Variants in VPS13B observed in about 807,000 individuals in gnomAD.
VPS13B encodes intermembrane lipid transfer protein VPS13B.
VPS13B carries 285 observed loss-of-function variants against 426.4 expected under a neutral mutation model. The ratio of observed to expected loss-of-function variants is 0.67; its 90% confidence interval spans 0.61 to 0.74. The LOEUF (loss-of-function observed/expected upper bound fraction) is 0.74, where lower values mean the gene tolerates loss of function less well. VPS13B is among the 30% of genes least tolerant of loss of function. The probability of loss-of-function intolerance (pLI) is 0.00; values close to 1 mark genes in which losing one functional copy is unlikely to be tolerated. For missense variants in VPS13B, 4,537 were observed against 4,782.6 expected, an observed-to-expected ratio of 0.95 and a Z score of 1.51; for synonymous variants, 1,676 against 1,676.4, an observed-to-expected ratio of 1.00 and a Z score of 0.01.
At chr8:99,294,597 G>GC (rs1352114423) in intron 19 of VPS13B, among the ~76,000 whole-genome samples, 1 of 151,828 alleles carries the variant, frequency 6.6e-6, no homozygotes, top group Admixed American at 6.6e-5. Context: ...GAGTGATATG[G>GC]CATAGCTAAG....
intron 19 of VPS13B, among the ~76,000 whole-genome samples, chr8:99,360,180 TTCTTTCTTTCTC>T (rs1415563716): frequency 0.012 from 488 of 40,648 alleles, 1 homozygote; most frequent in Middle Eastern, 0.046. Flanking sequence ...CTTTCTTTCT[TTCTTTCTTTCTC>T]TCTCTCTCTC....
chr8:99,768,402 A>G (rs943137986), intron 40 of VPS13B, among the ~76,000 whole-genome samples: 1 of 152,222 alleles, frequency 6.6e-6, no homozygotes. Context: ...GGTTATAATC[A>G]TAGCACACCA....
chr8:99,049,215 AC>A (rs1335855425), intron 3 of VPS13B, among the ~76,000 whole-genome samples: 1 of 148,096 alleles, frequency 6.8e-6, no homozygotes, highest in African/African-American at 2.5e-5. Context: ...TTGCCTGTAT[AC>A]CTTTTTTTTT....
chr8:99,028,381 G>T (rs1412175782), intron 2 of VPS13B, among the ~76,000 whole-genome samples: 3 of 148,130 alleles, frequency 2.0e-5, no homozygotes, highest in East Asian at 2.0e-4. Flanking sequence ...GCGGCTGGCC[G>T]GGCGGGGGGC....
intron 43 of VPS13B, among the ~76,000 whole-genome samples, chr8:99,786,922 G>A (rs991956039): frequency 1.3e-5 from 2 of 152,104 alleles, no homozygotes; most frequent in African/African-American, 4.8e-5. Flanking sequence ...CTAATGAGAG[G>A]CTACATGAGG....
At position 99,384,395 on chromosome 8, in the gene VPS13B, A is replaced by T. The variant is rs569606005; in HGVS notation, c.2934+78A>T. 4.2e-6 allele frequency: 5 copies of T among 1,179,926 alleles called. No homozygotes were observed. The South Asian group carries it at 5.1e-5, about 12-fold the overall frequency. The allele number at this position is 1,179,926 out of a possible 1,614,324, so 73.1% of individuals were successfully genotyped here. On this transcript the variant is annotated intron_variant, in intron 20 of 61. Transcript: ENST00000357162. Reference sequence around the variant, plus strand: ...TTAGTAGAATTATATATGTCTTTTGATGGATTCTTTTTTAACAAATGTACT... The same window carrying T: ...TTAGTAGAATTATATATGTCTTTTGTTGGATTCTTTTTTAACAAATGTACT...
intron 19 of VPS13B, among the ~76,000 whole-genome samples, chr8:99,323,577 G>A (rs1810095416): frequency 6.6e-6 from 1 of 152,202 alleles, no homozygotes; most frequent in East Asian, 1.9e-4. Flanking sequence ...TATCCCCAAA[G>A]CTCTCTATTA....
chr8:99,594,465 A>G (rs923455865), intron 33 of VPS13B, among the ~76,000 whole-genome samples: 4 of 152,018 alleles, frequency 2.6e-5, no homozygotes, highest in African/African-American at 9.7e-5. Context: ...CATCATTGTC[A>G]TCTCATCTAG....
At chr8:99,367,747 G>T (rs562409379) in intron 19 of VPS13B, among the ~76,000 whole-genome samples, 4 of 152,238 alleles carry the variant, frequency 2.6e-5, no homozygotes, top group African/African-American at 9.6e-5. Context: ...TCAACCTCCT[G>T]GGTTCAAGCT....
rs1195872726 is a variant in VPS13B at position 99,861,942 on chromosome 8, G to A, written c.11211G>A (p.Leu3737=). ...RQGLSRLGIS[L]LGAIAGIVDQ... Reference sequence around the variant, plus strand: ...GCCTGTCCCGGCTGGGCATCAGCCTGCTTGGTAAGGGGCTGCGGGGCCTCC... The same window carrying A: ...GCCTGTCCCGGCTGGGCATCAGCCTACTTGGTAAGGGGCTGCGGGGCCTCC... The change falls in exon 58 of 62, where the codon CTG becomes CTA. Residue 3737 remains leucine, a synonymous_variant. Coordinates refer to ENST00000357162, the MANE Select transcript of VPS13B (RefSeq NM_152564.5). 33 of 1,590,496 alleles carry A rather than the reference G, an allele frequency of 2.1e-5. No homozygotes were observed. Among genetic ancestry groups the A allele is most frequent in the Non-Finnish European group, 2.8e-5 (33 of 1,170,286 alleles).
intron 22 of VPS13B, among the ~76,000 whole-genome samples, chr8:99,439,338 C>G (rs73271304): frequency 1.3e-5 from 2 of 152,104 alleles, no homozygotes; most frequent in East Asian, 3.9e-4. Context: ...TTTATGTTCT[C>G]GTGAGAATTC....
chr8:99,840,236 T>A (rs1431668226), intron 54 of VPS13B, among the ~76,000 whole-genome samples: 1 of 152,268 alleles, frequency 6.6e-6, no homozygotes, highest in Non-Finnish European at 1.5e-5. Context: ...GTTCAGACTG[T>A]CTGTTATTAT....
intron 31 of VPS13B, among the ~76,000 whole-genome samples, chr8:99,571,937 C>G (rs746900340): frequency 2.0e-5 from 3 of 152,150 alleles, no homozygotes; most frequent in Non-Finnish European, 2.9e-5. Flanking sequence ...ATATAGAGCT[C>G]TGCTCATTGC....
intron 19 of VPS13B, among the ~76,000 whole-genome samples, chr8:99,295,129 A>G (rs1227164797): frequency 6.6e-6 from 1 of 152,172 alleles, no homozygotes; most frequent in Non-Finnish European, 1.5e-5. Context: ...AGTTAGGGAG[A>G]TATATTGGAA....
At chr8:99,192,757 T>C (rs1236871189) in intron 16 of VPS13B, 119 bp from the exon 17 acceptor site, 1 of 986,584 alleles carries the variant, frequency 1.0e-6, no homozygotes, top group Non-Finnish European at 1.5e-6. Context: ...TTAAGTAGTA[T>C]GTTTGCATAC....
At chr8:99,238,430 T>C (rs1473859597) in intron 17 of VPS13B, among the ~76,000 whole-genome samples, 2 of 152,150 alleles carry the variant, frequency 1.3e-5, no homozygotes, top group African/African-American at 2.4e-5. Flanking sequence ...CTAATGGCCA[T>C]GGGGCAAGCT....
intron 16 of VPS13B, among the ~76,000 whole-genome samples, chr8:99,175,429 T>C (rs1812575834): frequency 6.6e-6 from 1 of 152,210 alleles, no homozygotes; most frequent in Non-Finnish European, 1.5e-5. Flanking sequence ...ATACAATTTA[T>C]GTGGATTTTG....
chr8:99,738,342 C>A (rs1391389771), intron 39 of VPS13B, among the ~76,000 whole-genome samples: 1 of 152,086 alleles, frequency 6.6e-6, no homozygotes, highest in African/African-American at 2.4e-5. Context: ...TTCCAAACAC[C>A]AACTACTATC....
Position 99,819,464 on chromosome 8 carries a change from A to G in VPS13B, c.8674A>G (p.Lys2892Glu). ...AGTTCCCATCTCAACATCCCTCATT[A>G]AGCAAATAGCCACTAAGGTACACCC... ...CAVPISTSLIKQIATKVHPGG... is the reference protein window; with the variant it reads ...CAVPISTSLIEQIATKVHPGG... The change falls in exon 48 of 62, where the codon AAG becomes GAG. Residue 2892 changes from lysine (K) to glutamate (E), a missense_variant. By Grantham distance (56) the Lys-to-Glu change is moderately conservative. Around this residue, in one of 2 missense-constraint regions of VPS13B, gnomAD observed 4,311 missense variants for 4,474.3 expected, o/e 0.96. Coordinates refer to ENST00000357162, the MANE Select transcript of VPS13B (RefSeq NM_152564.5). 1 of 1,613,918 alleles carries G rather than the reference A, an allele frequency of 6.2e-7. No individual in the cohort carries two copies. The highest frequency in any genetic ancestry group is 8.5e-7 in the Non-Finnish European group (1 of 1,179,866).
Sources: gnomAD v4.1 joint callset for allele counts (sites outside exome capture counted in the v4.1 genomes callset) on GRCh38, gnomAD v4.1.1 for gene constraint, gnomAD v4.1.1 regional missense constraint, MANE v1.5 for transcripts, NCBI Gene and HGNC (gene_info 2026-07-23, HGNC 2026-07-21) for gene names.